COX10: variants seen among roughly 807,000 people sequenced by gnomAD.
COX10 encodes protoheme IX farnesyltransferase, mitochondrial.
A neutral mutation model predicts 37.3 loss-of-function variants in COX10; 27 were observed. The ratio of observed to expected loss-of-function variants is 0.72; its 90% CI spans 0.53 to 1.00. The LOEUF is 1.00. COX10 is among the 50% of genes least tolerant of loss of function. COX10 has a pLI of 0.00. For missense variants in COX10, 475 were observed against 563.2 expected (o/e 0.84, Z 1.59); for synonymous variants, 222 against 229.1 (o/e 0.97, Z 0.28).
Position 14,100,923 on chromosome 17 carries a change from A to G in COX10, c.500-1195A>G, listed in dbSNP as rs146299258. On this transcript the variant is annotated intron_variant, in intron 3 of 6. Coordinates refer to ENST00000261643, the MANE Select transcript of COX10 (RefSeq NM_001303.4). ...ATTATTTGTTGTTGGGGGGTGTCCTATGCACCATAAGATGTTAAGAAGCAT... is the reference window on the plus strand; with the variant it reads ...ATTATTTGTTGTTGGGGGGTGTCCTGTGCACCATAAGATGTTAAGAAGCAT... 2.4e-3 allele frequency among the ~76,000 whole-genome samples: 371 copies of G among 152,214 alleles called. 5 individuals carry two copies. The highest frequency in any genetic ancestry group is 8.5e-3 in the African/African-American group (352 of 41,552).
At chr17:14,106,499 G>T (rs1324339648) in intron 4 of COX10, among the ~76,000 whole-genome samples, 1 of 152,190 alleles carries the variant, frequency 6.6e-6, no homozygotes, top group South Asian at 2.1e-4. Context: ...AAAATATGTG[G>T]TCATGTCAAG....
intron 5 of COX10, among the ~76,000 whole-genome samples, chr17:14,167,354 G>A (rs1905321410): frequency 6.6e-6 from 1 of 152,156 alleles, no homozygotes; most frequent in South Asian, 2.1e-4. Flanking sequence ...TGAAAACAAA[G>A]GATTTAAAAT....
At chr17:14,084,670 A>AT (rs1422839824) in intron 3 of COX10, among the ~76,000 whole-genome samples, 1 of 151,830 alleles carries the variant, frequency 6.6e-6, no homozygotes, top group East Asian at 1.9e-4. Context: ...CAGGCTTTTT[A>AT]TTTTTTTTGA....
intron 5 of COX10, among the ~76,000 whole-genome samples, chr17:14,186,159 G>C (rs1906018990): frequency 6.6e-6 from 1 of 152,158 alleles, no homozygotes; most frequent in Non-Finnish European, 1.5e-5. Flanking sequence ...TCTCTTTGCT[G>C]ACTTCCACAT....
At chr17:14,188,193 G>T (rs1173579891) in intron 5 of COX10, among the ~76,000 whole-genome samples, 124 of 93,708 alleles carry the variant, frequency 1.3e-3, no homozygotes, top group Middle Eastern at 5.1e-3. Context: ...AATAAAGCTA[G>T]TTTTTTAGAG....
intron 4 of COX10, among the ~76,000 whole-genome samples, chr17:14,125,469 G>A (rs563455442): frequency 5.2e-4 from 79 of 152,240 alleles, no homozygotes; most frequent in African/African-American, 1.8e-3. Flanking sequence ...ATACTGAAAA[G>A]CACATTGTAA....
intron 4 of COX10, among the ~76,000 whole-genome samples, chr17:14,103,149 A>T (rs1250872915): frequency 1.3e-5 from 2 of 152,090 alleles, no homozygotes; most frequent in African/African-American, 4.8e-5. Context: ...TCTTATAGTG[A>T]GGTTCAAATA....
intron 4 of COX10, among the ~76,000 whole-genome samples, chr17:14,152,510 G>C (rs574020343): frequency 7.2e-5 from 11 of 152,244 alleles, no homozygotes; most frequent in African/African-American, 2.4e-4. Context: ...GATTTGGGTG[G>C]GGACACAGAG....
chr17:14,095,282 C>A lies in COX10; in HGVS notation c.500-6836C>A, dbSNP rs142925535. ...TTTTTGGATTTGATTATTTGAAGTA[C>A]TGAATTATGTTTAGCTCCTTTGTAG... is the stretch of plus-strand genomic sequence containing the variant. On this transcript the variant is annotated intron_variant, in intron 3 of 6. Coordinates refer to ENST00000261643, the MANE Select transcript of COX10 (RefSeq NM_001303.4). Among the ~76,000 whole-genome samples the A allele has an allele frequency of 2.0e-3, 298 of 152,278 alleles. 2 individuals carry two copies. The highest frequency in any genetic ancestry group is 6.9e-3 in the African/African-American group (285 of 41,564).
intron 5 of COX10, among the ~76,000 whole-genome samples, chr17:14,166,084 A>G (rs2142243933): frequency 6.6e-6 from 1 of 152,360 alleles, no homozygotes; most frequent in East Asian, 1.9e-4. Flanking sequence ...GCTAATGGAG[A>G]AGCTGCTGCA....
chr17:14,174,599 A>G (rs1905598954), intron 5 of COX10, among the ~76,000 whole-genome samples: 2 of 152,226 alleles, frequency 1.3e-5, no homozygotes, highest in Non-Finnish European at 2.9e-5. Flanking sequence ...AGATACCACT[A>G]CACACCTATT....
intron 3 of COX10, among the ~76,000 whole-genome samples, chr17:14,083,505 T>G (rs1915344248): frequency 6.6e-6 from 1 of 152,190 alleles, no homozygotes; most frequent in Non-Finnish European, 1.5e-5. Context: ...TTTCTTTCCC[T>G]CCTTTTGTTT....
At chr17:14,159,436 C>T (rs1037439330) in intron 4 of COX10, among the ~76,000 whole-genome samples, 6 of 152,178 alleles carry the variant, frequency 3.9e-5, no homozygotes, top group African/African-American at 1.4e-4. Context: ...TCCACTTATA[C>T]GTGGATTTAT....
chr17:14,069,515 A>G lies in COX10; in HGVS notation c.-91A>G, dbSNP rs1488186898. 1.3e-6 allele frequency: 2 copies of G among 1,506,584 alleles called. No homozygotes were observed. The highest frequency in any genetic ancestry group is 1.4e-5 in the African/African-American group (1 of 72,822). The allele number at this position is 1,506,584 out of a possible 1,614,324, so 93.3% of individuals were successfully genotyped here. A position where few individuals can be genotyped will look rare whatever the true frequency, so the allele number is the denominator to read the frequency against. On this transcript the variant is annotated 5_prime_UTR_variant, in exon 1 of 7. Transcript: ENST00000261643. ...AGTGGCGGCCCGGAACTACTCCCAC[A>G]GGGGGGCGGGGAAGGAAGATGGCGG...
chr17:14,107,543 T>C (rs757321191), intron 4 of COX10, among the ~76,000 whole-genome samples: 4 of 151,942 alleles, frequency 2.6e-5, no homozygotes, highest in Non-Finnish European at 5.9e-5. Context: ...TTTCTTTCTT[T>C]TTCCACAAGT....
At position 14,165,046 on chromosome 17, in the gene COX10, G is replaced by A. The variant is rs149217852; in HGVS notation, c.695+5099G>A. 9.8e-4 allele frequency among the ~76,000 whole-genome samples: 149 copies of A among 152,216 alleles called. No individual in the cohort carries two copies. The East Asian group carries it at 0.016, about 17-fold the overall frequency. Reference sequence around the variant, plus strand: ...TTGGATGTTAACTACATGTCACCCCGTACAGAGGGAAAGATGATTATGATG... The same window carrying A: ...TTGGATGTTAACTACATGTCACCCCATACAGAGGGAAAGATGATTATGATG... On this transcript the variant is annotated intron_variant, in intron 5 of 6. Coordinates refer to ENST00000261643, the MANE Select transcript of COX10 (RefSeq NM_001303.4).
chr17:14,200,375 G>A (rs72816686), intron 6 of COX10, among the ~76,000 whole-genome samples: 3,709 of 152,250 alleles, frequency 0.024, 88 homozygotes, highest in Middle Eastern at 0.054. Flanking sequence ...TAGATGCTTC[G>A]AGAGAATATA....
intron 4 of COX10, among the ~76,000 whole-genome samples, chr17:14,124,212 A>G (rs1351197918): frequency 3.3e-5 from 5 of 152,136 alleles, no homozygotes; most frequent in Admixed American, 6.6e-5. Context: ...CTCTTTTTTA[A>G]TGATAGAAAG....
chr17:14,207,139 C>G lies in COX10; in HGVS notation c.1258C>G (p.Pro420Ala), dbSNP rs771946974. 1 of 1,613,414 alleles carries G rather than the reference C, an allele frequency of 6.2e-7. No homozygotes were observed. The highest frequency in any genetic ancestry group is 8.5e-7 in the Non-Finnish European group (1 of 1,179,872). The change falls in exon 7 of 7, where the codon CCG (proline) becomes GCG (alanine). Residue 420 changes from proline to alanine, a missense_variant. By Grantham distance (27) the Pro-to-Ala change is conservative. Transcript: ENST00000261643. Reference protein sequence around the residue: ...RLFFCSLWHLPLLLLLMLTCK... With the variant: ...RLFFCSLWHLALLLLLMLTCK... ...GTTCTTCTGCAGCCTGTGGCACCTG[C>G]CGCTGCTGCTGCTGCTCATGCTCAC...
Sources: gnomAD v4.1 joint callset for allele counts (sites outside exome capture counted in the v4.1 genomes callset) on GRCh38, gnomAD v4.1.1 for gene constraint, MANE v1.5 for transcripts, NCBI Gene and HGNC (gene_info 2026-07-23, HGNC 2026-07-21) for gene names.